The following SRGAP2B variants were observed in gnomAD, a reference collection of about 807,000 sequenced individuals.
SRGAP2B encodes the protein SLIT-ROBO Rho GTPase-activating protein 2B.
SRGAP2B carries 9 observed loss-of-function variants against 22.2 expected under a neutral mutation model. The ratio of observed to expected loss-of-function variants is 0.41; its 90% CI spans 0.24 to 0.71. The LOEUF (loss-of-function observed/expected upper bound fraction) is 0.71. Ranked by LOEUF, SRGAP2B falls within the 30% of genes least tolerant of loss-of-function variation. The pLI is 0.35. For synonymous variants in SRGAP2B, 36 were observed against 87.4 expected, an observed-to-expected ratio of 0.41 and a Z score of 3.28; for missense variants, 114 against 235.8, an observed-to-expected ratio of 0.48 and a Z score of 3.38.
In SRGAP2B at chr1:144,965,616, A is replaced by T. The variant is rs1553612100; in HGVS notation, c.261-10015T>A. Reference sequence around the variant, plus strand: ...CTCCAAAGGAACGCAGTTCCTCACCAGCAACGGAACAAAGCTGGATGGAGA... The same window carrying T: ...CTCCAAAGGAACGCAGTTCCTCACCTGCAACGGAACAAAGCTGGATGGAGA... On this transcript the variant is annotated intron_variant, in intron 3 of 9. Coordinates refer to ENST00000612199, the Ensembl canonical transcript of SRGAP2B. 3.8e-5 allele frequency among the ~76,000 whole-genome samples: 5 copies of T among 132,328 alleles called. 1 individual carries two copies. The highest frequency in any genetic ancestry group is 1.7e-4 in the African/African-American group (5 of 29,160). 86.8% of individuals were successfully genotyped at this position (132,328 alleles called of 152,430 possible). A position where few individuals can be genotyped will look rare whatever the true frequency, so the allele number is the denominator to read the frequency against.
intron 3 of SRGAP2B, among the ~76,000 whole-genome samples, chr1:144,994,585 A>C (rs1349223528): frequency 1.3e-5 from 2 of 148,748 alleles, no homozygotes. Context: ...AGAGAGAGAG[A>C]GAGAGAGAGA....
At chr1:145,012,955 C>G (rs1380342200) in intron 2 of SRGAP2B, among the ~76,000 whole-genome samples, 1 of 150,090 alleles carries the variant, frequency 6.7e-6, no homozygotes, top group African/African-American at 2.5e-5. Context: ...CATGGTGGTG[C>G]ACCTGTAAGC....
chr1:144,909,669 T>G (rs1342383717), intron 5 of SRGAP2B, among the ~76,000 whole-genome samples: 12 of 150,192 alleles, frequency 8.0e-5, no homozygotes, highest in African/African-American at 3.0e-4. Context: ...ATGAGAGGTT[T>G]ATTCTGTTAG....
At chr1:144,991,349 A>G (rs1226856406) in intron 3 of SRGAP2B, among the ~76,000 whole-genome samples, 1 of 150,516 alleles carries the variant, frequency 6.6e-6, no homozygotes, top group South Asian at 2.1e-4. Context: ...CCCTGTGTTT[A>G]GCTCAAGGTT....
chr1:144,975,081 C>T lies in SRGAP2B; in HGVS notation c.261-19480G>A, dbSNP rs1279824807. 2.7e-5 allele frequency among the ~76,000 whole-genome samples: 4 copies of T among 148,744 alleles called. No homozygotes were observed. In the East Asian group the frequency reaches 7.7e-4, roughly 29 times the overall value. On this transcript the variant is annotated intron_variant, in intron 3 of 9. Transcript: ENST00000612199. ...CTCAGTGCATGTCTGGCCTATGTCC[C>T]CATCACTGACTTCTGCTAAAGCCCT...
intron 2 of SRGAP2B, among the ~76,000 whole-genome samples, chr1:145,008,962 G>A (rs1570997728): frequency 6.7e-6 from 1 of 150,006 alleles, no homozygotes; most frequent in South Asian, 2.1e-4. Flanking sequence ...ACGAGGTCAG[G>A]AGATCGAGAC....
chr1:144,943,502 T>C lies in SRGAP2B; in HGVS notation c.423+11937A>G, dbSNP rs1570802945. 2.6e-5 allele frequency among the ~76,000 whole-genome samples: 4 copies of C among 150,962 alleles called. No individual in the cohort carries two copies. The South Asian group carries it at 8.3e-4, about 31-fold the overall frequency. Reference sequence around the variant, plus strand: ...TACATCTACTATAAAATTTAAAAGATTATTCAAAAGAATAGAGAAAAGGAA... The same window carrying C: ...TACATCTACTATAAAATTTAAAAGACTATTCAAAAGAATAGAGAAAAGGAA... On this transcript the variant is annotated intron_variant, in intron 4 of 9. Transcript: ENST00000612199.
intron 4 of SRGAP2B, among the ~76,000 whole-genome samples, chr1:144,923,304 A>G (rs1664388291): frequency 6.6e-6 from 1 of 150,828 alleles, no homozygotes; most frequent in African/African-American, 2.5e-5. Context: ...GCAAATTTCC[A>G]TCTTTTACCC....
chr1:144,937,073 T>C (rs1352356441), intron 4 of SRGAP2B, among the ~76,000 whole-genome samples: 1 of 130,244 alleles, frequency 7.7e-6, no homozygotes, highest in Non-Finnish European at 1.6e-5. Context: ...GAAGAATATC[T>C]ATTTTATCAG....
chr1:144,971,126 A>C (rs1553613163), intron 3 of SRGAP2B, among the ~76,000 whole-genome samples: 3 of 146,766 alleles, frequency 2.0e-5, no homozygotes, highest in Admixed American at 6.7e-5. Context: ...AAATAGGAAC[A>C]CTTCCTTTTT....
intron 3 of SRGAP2B, among the ~76,000 whole-genome samples, chr1:144,975,434 AT>A (rs1668826083): frequency 6.7e-6 from 1 of 148,742 alleles, no homozygotes; most frequent in Non-Finnish European, 1.5e-5. Context: ...CATGAATAAG[AT>A]TAATATTCTC....
chr1:145,086,672 A>G (rs1571168306), intron 2 of SRGAP2B, among the ~76,000 whole-genome samples: 1 of 78,414 alleles, frequency 1.3e-5, no homozygotes, highest in Non-Finnish European at 2.5e-5. Context: ...ACAGAGTGAG[A>G]CCCCATCTGA....
chr1:144,977,127 A>AGTGC (rs1668957644), intron 3 of SRGAP2B, among the ~76,000 whole-genome samples: 3 of 67,060 alleles, frequency 4.5e-5, no homozygotes, highest in Admixed American at 2.1e-4. Context: ...ATCAAATTTA[A>AGTGC]CATCATCAGT....
At chr1:145,020,995 T>C (rs1672764151) in intron 2 of SRGAP2B, among the ~76,000 whole-genome samples, 1 of 150,264 alleles carries the variant, frequency 6.7e-6, no homozygotes, top group African/African-American at 2.5e-5. Context: ...TTTGCATTTT[T>C]AGTATTTTTC....
intron 2 of SRGAP2B, among the ~76,000 whole-genome samples, chr1:145,045,284 G>A (rs1416519432): frequency 8.5e-6 from 1 of 118,000 alleles, no homozygotes; most frequent in South Asian, 3.3e-4. Flanking sequence ...GGGACGGAGC[G>A]AGACTCCGCC....
At chr1:144,936,782 AC>A (rs1420038760) in intron 4 of SRGAP2B, among the ~76,000 whole-genome samples, 2 of 87,096 alleles carry the variant, frequency 2.3e-5, no homozygotes, top group Non-Finnish European at 4.3e-5. Context: ...ATTAGATTCC[AC>A]TGGGGCTTCA....
At chr1:145,001,938 C>T (rs1671205721) in intron 2 of SRGAP2B, among the ~76,000 whole-genome samples, 1 of 147,298 alleles carries the variant, frequency 6.8e-6, no homozygotes, top group Admixed American at 6.7e-5. Context: ...GGGAGGCTTG[C>T]TTGAGCCCAG....
chr1:145,067,295 A>C (rs1455994323), intron 2 of SRGAP2B, among the ~76,000 whole-genome samples: 1 of 149,598 alleles, frequency 6.7e-6, no homozygotes, highest in African/African-American at 2.5e-5. Context: ...TCTAAAAAAA[A>C]AAAAAAAAAA....
chr1:144,945,584 C>T (rs587661437), intron 4 of SRGAP2B, among the ~76,000 whole-genome samples: 22 of 150,500 alleles, frequency 1.5e-4, no homozygotes, highest in Middle Eastern at 6.9e-3. Flanking sequence ...GAGACTCCAT[C>T]TCTTTAAAAC....
Sources: gnomAD v4.1 joint callset for allele counts (sites outside exome capture counted in the v4.1 genomes callset) on GRCh38, gnomAD v4.1.1 for gene constraint, MANE v1.5 for transcripts, NCBI Gene and HGNC (gene_info 2026-07-23, HGNC 2026-07-21) for gene names.